The following LPP variants were observed in gnomAD, a reference collection of about 807,000 sequenced individuals.
LPP encodes the protein lipoma-preferred partner.
A neutral mutation model predicts 60.4 loss-of-function variants in LPP; 38 were observed. That is an observed-to-expected ratio of 0.63 (90% CI 0.49 to 0.83). The LOEUF is 0.83. LPP is among the 40% of genes least tolerant of loss of function. LPP has a pLI of 0.00. For synonymous variants in LPP, 328 were observed against 290.8 expected, an observed-to-expected ratio of 1.13 and a Z score of -1.30; for missense variants, 902 against 783.6, an observed-to-expected ratio of 1.15 and a Z score of -1.80.
intron 9 of LPP, among the ~76,000 whole-genome samples, chr3:188,827,641 G>A (rs1211195008): frequency 2.0e-5 from 3 of 152,094 alleles, no homozygotes; most frequent in African/African-American, 7.2e-5. Context: ...AGAAAATATT[G>A]GGAGTCTTGT....
intron 8 of LPP, among the ~76,000 whole-genome samples, chr3:188,726,046 C>G (rs1411838850): frequency 6.6e-6 from 1 of 152,018 alleles, no homozygotes; most frequent in Non-Finnish European, 1.5e-5. Context: ...TTATTTCTTA[C>G]TAAAGAATCT....
chr3:188,662,392 G>A (rs974824571), intron 7 of LPP, among the ~76,000 whole-genome samples: 3 of 152,190 alleles, frequency 2.0e-5, no homozygotes, highest in Admixed American at 1.3e-4. Flanking sequence ...GGACTTTGCT[G>A]CATCTCAGTT....
intron 2 of LPP, among the ~76,000 whole-genome samples, chr3:188,296,323 A>T (rs1445409237): frequency 3.3e-5 from 5 of 152,126 alleles, no homozygotes; most frequent in Admixed American, 3.3e-4. Flanking sequence ...ATAAGTGAGG[A>T]TTCGGGGGAT....
intron 9 of LPP, among the ~76,000 whole-genome samples, chr3:188,864,498 A>G (rs1766098852): frequency 6.6e-6 from 1 of 152,238 alleles, no homozygotes; most frequent in South Asian, 2.1e-4. Context: ...AGCACAAATA[A>G]TTTAAATAAA....
chr3:188,592,557 G>GTTTTTTTTTTTTTTTTTTTTTTT (rs1553936333), intron 6 of LPP, among the ~76,000 whole-genome samples: 4 of 85,788 alleles, frequency 4.7e-5, no homozygotes, highest in African/African-American at 1.8e-4. Flanking sequence ...TTTTGTTTTT[G>GTTTTTTTTTTTTTTTTTTTTTTT]TTTTTTAAAT....
intron 2 of LPP, among the ~76,000 whole-genome samples, chr3:188,300,599 A>G (rs1036483390): frequency 5.3e-5 from 8 of 152,036 alleles, no homozygotes; most frequent in Non-Finnish European, 1.0e-4. Context: ...TAGAGTTATT[A>G]ATTTGTAGAA....
intron 4 of LPP, among the ~76,000 whole-genome samples, chr3:188,470,781 A>T (rs1487029470): frequency 3.3e-5 from 5 of 152,170 alleles, no homozygotes; most frequent in Non-Finnish European, 4.4e-5. Flanking sequence ...GTGTCCAGGA[A>T]GCCAGAGGAA....
At chr3:188,584,546 CGTGTGTGTGTGTGTGTGTGTGT>C in intron 6 of LPP, 1 of 147,310 alleles carries the variant, frequency 6.8e-6, no homozygotes, top group Non-Finnish European at 1.5e-5. Context: ...TAATTTTAGT[CGTGTGTGTGTGTGTGTGTGTGT>C]GTGTGTGTGT....
intron 4 of LPP, among the ~76,000 whole-genome samples, chr3:188,413,107 G>T (rs1785275529): frequency 6.6e-6 from 1 of 152,138 alleles, no homozygotes; most frequent in Non-Finnish European, 1.5e-5. Flanking sequence ...TCCTGGGTAG[G>T]CAGGACACAT....
At chr3:188,698,234 G>A (rs1863694794) in intron 7 of LPP, among the ~76,000 whole-genome samples, 1 of 152,104 alleles carries the variant, frequency 6.6e-6, no homozygotes, top group Admixed American at 6.5e-5. Context: ...CCAAAATATG[G>A]TTTTAGTTTG....
At chr3:188,428,313 C>T (rs1789992649) in intron 4 of LPP, among the ~76,000 whole-genome samples, 1 of 152,172 alleles carries the variant, frequency 6.6e-6, no homozygotes. Context: ...CACCCACCTT[C>T]TGAGTTGATC....
At chr3:188,658,136 G>GTTTA (rs370594954) in intron 7 of LPP, among the ~76,000 whole-genome samples, 147,860 of 151,564 alleles carry the variant, frequency 0.98, 72,289 homozygotes, top group East Asian at 1. Context: ...GTTTAGTTTA[G>GTTTA]GTTAGTTTAG....
chr3:188,387,921 G>T (rs1001055873), intron 3 of LPP, among the ~76,000 whole-genome samples: 1 of 33,118 alleles, frequency 3.0e-5, no homozygotes, highest in African/African-American at 4.3e-5. Context: ...TTTGTGAAAG[G>T]GATTTTTTTT....
At chr3:188,235,870 C>A (rs1721716617) in intron 2 of LPP, among the ~76,000 whole-genome samples, 1 of 152,112 alleles carries the variant, frequency 6.6e-6, no homozygotes. Context: ...CCACTTCAGT[C>A]TGCTGTATAA....
chr3:188,793,404 A>G (rs1035581321), intron 9 of LPP, among the ~76,000 whole-genome samples: 3 of 151,262 alleles, frequency 2.0e-5, no homozygotes, highest in Non-Finnish European at 4.4e-5. Context: ...CTGGTCTTGA[A>G]CTCCTGACCT....
intron 8 of LPP, among the ~76,000 whole-genome samples, chr3:188,741,863 A>C (rs933018672): frequency 9.9e-5 from 15 of 152,052 alleles, no homozygotes; most frequent in Admixed American, 9.2e-4. Context: ...AGTCCCATAC[A>C]GGGAGAAAAT....
intron 3 of LPP, among the ~76,000 whole-genome samples, chr3:188,367,988 A>C (rs1771720307): frequency 6.6e-6 from 1 of 152,212 alleles, no homozygotes; most frequent in African/African-American, 2.4e-5. Flanking sequence ...TGAAATATAA[A>C]GTCATTTGGG....
At chr3:188,436,490 C>T (rs536136667) in intron 4 of LPP, among the ~76,000 whole-genome samples, 59 of 152,148 alleles carry the variant, frequency 3.9e-4, no homozygotes, top group African/African-American at 1.3e-3. Flanking sequence ...GTTTGCATTT[C>T]GTGAACAACT....
At chr3:188,506,542 A>T (rs1447702154) in intron 5 of LPP, among the ~76,000 whole-genome samples, 1 of 152,134 alleles carries the variant, frequency 6.6e-6, no homozygotes, top group Non-Finnish European at 1.5e-5. Context: ...AAAATCACAA[A>T]TCGTAGAGCA....
Sources: allele counts gnomAD v4.1 joint callset (sites outside exome capture counted in the v4.1 genomes callset), GRCh38; gene constraint gnomAD v4.1.1; transcripts MANE v1.5; gene names NCBI Gene and HGNC (gene_info 2026-07-23, HGNC 2026-07-21).